The following CTNNA3 variants were observed in gnomAD, a reference collection of about 807,000 sequenced individuals.
CTNNA3 encodes the protein catenin alpha-3.
Under a neutral mutation model 95.7 loss-of-function variants are expected in CTNNA3, and 76 were observed. That is an observed-to-expected ratio of 0.79 (90% CI 0.66 to 0.96). CTNNA3 has a LOEUF of 0.96. CTNNA3 is among the 40% of genes least tolerant of loss of function. CTNNA3 has a pLI of 0.00. For missense variants in CTNNA3, 1,191 were observed against 1,089.8 expected (o/e 1.09, Z -1.31); for synonymous variants, 431 against 374.4 (o/e 1.15, Z -1.74).
chr10:66,096,469 A>G (rs2081389331), intron 14 of CTNNA3, among the ~76,000 whole-genome samples: 1 of 151,798 alleles, frequency 6.6e-6, no homozygotes, highest in South Asian at 2.1e-4. Flanking sequence ...AAAAATCATT[A>G]TACATCTAGA....
intron 12 of CTNNA3, among the ~76,000 whole-genome samples, chr10:66,300,976 C>A (rs1383351153): frequency 6.6e-6 from 1 of 151,798 alleles, no homozygotes; most frequent in East Asian, 1.9e-4. Context: ...TTACTAATAT[C>A]AGTAATGAAA....
intron 7 of CTNNA3, among the ~76,000 whole-genome samples, chr10:67,058,076 TC>T (rs1285365174): frequency 6.6e-6 from 1 of 152,152 alleles, no homozygotes; most frequent in Non-Finnish European, 1.5e-5. Flanking sequence ...TTTCAACTAA[TC>T]TTTTCTTGCA....
intron 13 of CTNNA3, among the ~76,000 whole-genome samples, chr10:66,175,317 G>A (rs1473187135): frequency 6.6e-6 from 1 of 152,072 alleles, no homozygotes; most frequent in African/African-American, 2.4e-5. Flanking sequence ...AATAAGCAGA[G>A]TACAATAAGA....
rs1475947416 is a variant in CTNNA3, at chr10:66,330,323, G to A, written c.1732+48829C>T. ...CTATGAGTGAGAACATGCAGTGTTT[G>A]GTTTTTTGTCCTTGCCATAGTTTGC... On this transcript the variant is annotated intron_variant, in intron 12 of 17. Transcript: ENST00000433211. 6.6e-5 allele frequency among the ~76,000 whole-genome samples: 10 copies of A among 150,928 alleles called. 1 individual carries two copies. Among genetic ancestry groups the A allele is most frequent in the Non-Finnish European group, 1.5e-4 (10 of 67,772 alleles).
chr10:66,934,241 T>G (rs1847568129), intron 7 of CTNNA3, among the ~76,000 whole-genome samples: 1 of 152,162 alleles, frequency 6.6e-6, no homozygotes. Context: ...TGATAATTAA[T>G]AACTTTATTA....
intron 13 of CTNNA3, among the ~76,000 whole-genome samples, chr10:66,219,794 T>C (rs1341989270): frequency 6.6e-6 from 1 of 152,170 alleles, no homozygotes; most frequent in African/African-American, 2.4e-5. Context: ...TAATTTGTTA[T>C]GCAGCAATAG....
chr10:66,194,236 T>C (rs1389861706), intron 13 of CTNNA3, among the ~76,000 whole-genome samples: 2 of 152,138 alleles, frequency 1.3e-5, no homozygotes, highest in South Asian at 2.1e-4. Context: ...GTAAAATAAT[T>C]ATGCCTACAT....
intron 5 of CTNNA3, among the ~76,000 whole-genome samples, chr10:67,417,923 T>A (rs1460111172): frequency 2.0e-5 from 3 of 152,248 alleles, no homozygotes; most frequent in African/African-American, 7.2e-5. Context: ...ATAGCAACAT[T>A]TTTCATAAGA....
intron 13 of CTNNA3, among the ~76,000 whole-genome samples, chr10:66,104,338 T>G (rs1308865184): frequency 1.3e-5 from 2 of 152,222 alleles, no homozygotes; most frequent in Non-Finnish European, 2.9e-5. Context: ...TTGTCTATTC[T>G]GTGAGGCAGG....
At chr10:66,951,696 T>C (rs1432109773) in intron 7 of CTNNA3, among the ~76,000 whole-genome samples, 1 of 152,186 alleles carries the variant, frequency 6.6e-6, no homozygotes, top group Non-Finnish European at 1.5e-5. Context: ...GATTTATTTT[T>C]TTCCCAAAAA....
intron 2 of CTNNA3, among the ~76,000 whole-genome samples, chr10:67,636,704 AC>A (rs1478153467): frequency 2.0e-5 from 3 of 152,280 alleles, no homozygotes; most frequent in African/African-American, 7.2e-5. Context: ...TTTGCTGTTC[AC>A]CAATATTCGC....
chr10:67,098,896 C>T (rs1295004194), intron 7 of CTNNA3: 2 of 151,812 alleles, frequency 1.3e-5, no homozygotes, highest in African/African-American at 4.8e-5. Flanking sequence ...TTATTTAGAA[C>T]TGTGAGACCG....
At chr10:67,503,031 C>A (rs1419864842) in intron 5 of CTNNA3, among the ~76,000 whole-genome samples, 2 of 152,194 alleles carry the variant, frequency 1.3e-5, no homozygotes, top group South Asian at 4.1e-4. Context: ...AAAATTCCTG[C>A]AGCTAGCTCA....
intron 11 of CTNNA3, among the ~76,000 whole-genome samples, chr10:66,494,817 G>A (rs993761429): frequency 2.0e-5 from 3 of 152,186 alleles, no homozygotes; most frequent in African/African-American, 7.2e-5. Context: ...CACAACCACT[G>A]TCTATTACAT....
intron 13 of CTNNA3, among the ~76,000 whole-genome samples, chr10:66,121,718 G>A (rs1163897286): frequency 6.6e-6 from 1 of 152,092 alleles, no homozygotes; most frequent in Non-Finnish European, 1.5e-5. Flanking sequence ...GCACATGCCT[G>A]TGGTCCCAAC....
intron 5 of CTNNA3, among the ~76,000 whole-genome samples, chr10:67,248,455 A>AC (rs71006134): frequency 1 from 152,260 of 152,260 alleles, 76,130 homozygotes; most frequent in Non-Finnish European, 1. Flanking sequence ...TCGCTTAGTC[A>AC]CTAGGCTGGA....
intron 1 of CTNNA3, among the ~76,000 whole-genome samples, chr10:67,763,211 A>T (rs942464853): frequency 6.6e-6 from 1 of 152,014 alleles, no homozygotes; most frequent in Non-Finnish European, 1.5e-5. Context: ...GTCGGGAATT[A>T]CTTTGTTCCC....
At chr10:67,596,249 G>A (rs1191332196) in intron 3 of CTNNA3, among the ~76,000 whole-genome samples, 1 of 152,120 alleles carries the variant, frequency 6.6e-6, no homozygotes, top group Non-Finnish European at 1.5e-5. Flanking sequence ...TAAGTGTTTT[G>A]TGGTGGCTGG....
At chr10:67,294,806 T>G (rs894149181) in intron 5 of CTNNA3, among the ~76,000 whole-genome samples, 1 of 152,290 alleles carries the variant, frequency 6.6e-6, no homozygotes, top group Admixed American at 6.5e-5. Context: ...GGCAGGAAAA[T>G]AAGCAGATGA....
Sources: gnomAD v4.1 joint callset for allele counts (sites outside exome capture counted in the v4.1 genomes callset) on GRCh38, gnomAD v4.1.1 for gene constraint, MANE v1.5 for transcripts, NCBI Gene and HGNC (gene_info 2026-07-23, HGNC 2026-07-21) for gene names.